VPS50: variants seen among roughly 807,000 people sequenced by gnomAD.
VPS50 encodes the protein VPS50 subunit of EARP/GARPII complex, also known as syndetin.
Under a neutral mutation model 139.7 loss-of-function variants are expected in VPS50, and 70 were observed. That is an observed-to-expected ratio of 0.50 (90% CI 0.41 to 0.61). The LOEUF (loss-of-function observed/expected upper bound fraction) is 0.61, where lower values mean the gene tolerates loss of function less well. Among genes scored for constraint, VPS50 ranks in the 20% least tolerant of loss-of-function variants. The probability of loss-of-function intolerance (pLI) is 0.00; values close to 1 mark genes in which losing one functional copy is unlikely to be tolerated. For synonymous variants in VPS50, 365 were observed against 376.7 expected (o/e 0.97, Z 0.36); for missense variants, 921 against 1,133.7 (o/e 0.81, Z 2.69).
At chr7:93,356,443 A>C (rs1562904223) in intron 27 of VPS50, among the ~76,000 whole-genome samples, 1 of 152,194 alleles carries the variant, frequency 6.6e-6, no homozygotes, top group Non-Finnish European at 1.5e-5. Context: ...TTCATAAGCC[A>C]TAATCGATTA....
chr7:93,277,158 G>T (rs59169722), intron 12 of VPS50, among the ~76,000 whole-genome samples: 1 of 152,150 alleles, frequency 6.6e-6, no homozygotes, highest in Admixed American at 6.6e-5. Context: ...GACTAGTAGA[G>T]TCTTAGAGCA....
intron 25 of VPS50, among the ~76,000 whole-genome samples, chr7:93,350,874 A>C (rs753262754): frequency 4.6e-5 from 7 of 152,070 alleles, no homozygotes; most frequent in Non-Finnish European, 7.4e-5. Context: ...TTTCAGGAAA[A>C]ATGTGTTTTC....
intron 2 of VPS50, among the ~76,000 whole-genome samples, chr7:93,245,548 C>T (rs1478245838): frequency 6.6e-6 from 1 of 151,712 alleles, no homozygotes; most frequent in East Asian, 1.9e-4. Context: ...CAGTGTTAGC[C>T]CCAGAAAGGA....
At chr7:93,243,021 AT>A (rs1432562538) in intron 2 of VPS50, among the ~76,000 whole-genome samples, 1 of 151,926 alleles carries the variant, frequency 6.6e-6, no homozygotes, top group African/African-American at 2.4e-5. Context: ...TTAGAACTAT[AT>A]AAATTCAAAG....
intron 20 of VPS50, among the ~76,000 whole-genome samples, chr7:93,313,095 T>C (rs1797319631): frequency 6.6e-6 from 1 of 152,226 alleles, no homozygotes; most frequent in African/African-American, 2.4e-5. Context: ...GTTGAAAGAA[T>C]AGTACCAACC....
At position 93,360,813 on chromosome 7, in the gene VPS50, G is replaced by C. The variant is rs1247844833; in HGVS notation, c.*2377G>C. 1.3e-5 allele frequency: 2 copies of C among 151,826 alleles called. No homozygotes were observed. The highest frequency in any genetic ancestry group is 1.3e-4 in the Admixed American group (2 of 15,208). 9.4% of individuals were successfully genotyped at this position (151,826 alleles called of 1,614,324 possible). Reference sequence around the variant, plus strand: ...ATTGTCTTGCATTTAAAAATGCTAGGGGGGCACATAGCAATTCAAATGAAC... The same window carrying C: ...ATTGTCTTGCATTTAAAAATGCTAGCGGGGCACATAGCAATTCAAATGAAC... On this transcript the variant is annotated 3_prime_UTR_variant, in exon 28 of 28. Transcript: ENST00000305866.
intron 14 of VPS50, among the ~76,000 whole-genome samples, chr7:93,296,438 G>A (rs1273822362): frequency 6.6e-6 from 1 of 151,984 alleles, no homozygotes; most frequent in African/African-American, 2.4e-5. Context: ...AGTGTACTTT[G>A]GTAAAATTTT....
chr7:93,295,040 T>C (rs1306513930), intron 14 of VPS50, among the ~76,000 whole-genome samples: 1 of 152,222 alleles, frequency 6.6e-6, no homozygotes, highest in East Asian at 1.9e-4. Flanking sequence ...GGTCAGATTA[T>C]AGTTTAGAAT....
At chr7:93,298,922 C>A (rs939036080) in intron 16 of VPS50, among the ~76,000 whole-genome samples, 1 of 152,102 alleles carries the variant, frequency 6.6e-6, no homozygotes, top group Non-Finnish European at 1.5e-5. Flanking sequence ...ATTGGCAAAT[C>A]CTTTAACCTC....
At chr7:93,297,746 A>G (rs934983499) in intron 16 of VPS50, among the ~76,000 whole-genome samples, 1 of 152,158 alleles carries the variant, frequency 6.6e-6, no homozygotes, top group Non-Finnish European at 1.5e-5. Context: ...TATTTAAAAG[A>G]GTGACTAGGA....
chr7:93,282,210 A>G (rs1224909851), intron 12 of VPS50, among the ~76,000 whole-genome samples: 1 of 152,106 alleles, frequency 6.6e-6, no homozygotes, highest in Non-Finnish European at 1.5e-5. Context: ...TCTCAAAAAA[A>G]AAAAAACAAA....
chr7:93,261,872 T>G (rs1040264861), intron 9 of VPS50, among the ~76,000 whole-genome samples: 6 of 152,058 alleles, frequency 3.9e-5, no homozygotes, highest in African/African-American at 1.2e-4. Flanking sequence ...ATGAAATCTT[T>G]GTTGCGGAGT....
At chr7:93,341,757 T>G (rs1201638069) in intron 23 of VPS50, among the ~76,000 whole-genome samples, 182 bp downstream of exon 23, 1 of 152,238 alleles carries the variant, frequency 6.6e-6, no homozygotes, top group African/African-American at 2.4e-5. Context: ...GCATGGTTGG[T>G]TTTTCAGTTA....
rs189831782 is a variant in VPS50 at position 93,318,019 on chromosome 7, T to A, written c.1856-5592T>A. ...GTAATGTTTAAGGAAAAAAAGTTTG[T>A]CATTCACTTTAAACTACATTCTAGT... On this transcript the variant is annotated intron_variant, in intron 20 of 27. Transcript: ENST00000305866. Among the ~76,000 whole-genome samples, 704 of 151,802 alleles carry A rather than the reference T, an allele frequency of 4.6e-3. 6 individuals are homozygous for A. Among genetic ancestry groups the A allele is most frequent in the Non-Finnish European group, 6.5e-3 (444 of 67,872 alleles).
intron 12 of VPS50, among the ~76,000 whole-genome samples, chr7:93,280,971 A>G (rs1407816164): frequency 6.6e-6 from 1 of 152,170 alleles, no homozygotes; most frequent in African/African-American, 2.4e-5. Flanking sequence ...CTGTTAGAAA[A>G]AACTTTTGAA....
chr7:93,247,530 T>G (rs1384882833), intron 2 of VPS50, among the ~76,000 whole-genome samples: 2 of 151,976 alleles, frequency 1.3e-5, no homozygotes, highest in Non-Finnish European at 2.9e-5. Flanking sequence ...TTCTCTCATA[T>G]TTTCCAAATG....
At position 93,303,511 on chromosome 7, in the gene VPS50, T is replaced by C; in HGVS notation, c.1413T>C (p.Leu471=). The change falls in exon 17 of 28, where the codon CTT becomes CTC. Residue 471 remains leucine (L), a synonymous_variant. Coordinates refer to ENST00000305866, the MANE Select transcript of VPS50 (RefSeq NM_017667.4). The part of the protein sequence containing the change: ...RMFLENETWE[L]CPVKSNFSIL... ...TCTTAGAGAATGAGACTTGGGAACT[T>C]TGTCCTGTTAAGTCAAATTTCAGCA... 1 of 1,583,656 alleles carries C rather than the reference T, an allele frequency of 6.3e-7. No homozygotes were observed. Among genetic ancestry groups the C allele is most frequent in the Non-Finnish European group, 8.6e-7 (1 of 1,158,390 alleles).
chr7:93,278,629 T>G (rs904554102), intron 12 of VPS50, among the ~76,000 whole-genome samples: 3 of 151,112 alleles, frequency 2.0e-5, no homozygotes, highest in African/African-American at 7.3e-5. Context: ...TAAAATAATC[T>G]TTTGAAGTAG....
chr7:93,322,451 T>G (rs1797642494), intron 20 of VPS50, among the ~76,000 whole-genome samples: 1 of 151,242 alleles, frequency 6.6e-6, no homozygotes, highest in South Asian at 2.1e-4. Flanking sequence ...TACAAAAAAA[T>G]TAGCCGGGCG....
Sources: allele counts gnomAD v4.1 joint callset (sites outside exome capture counted in the v4.1 genomes callset), GRCh38; gene constraint gnomAD v4.1.1; transcripts MANE v1.5; gene names NCBI Gene and HGNC (gene_info 2026-07-23, HGNC 2026-07-21).